The following GPR37L1 variants were observed in gnomAD, a reference collection of about 807,000 sequenced individuals.
The protein encoded by GPR37L1 is G protein-coupled receptor 37-like 1.
A neutral mutation model predicts 18.0 loss-of-function variants in GPR37L1; 18 were observed. The ratio of observed to expected loss-of-function variants is 1.00; its 90% CI spans 0.69 to 1.49. The LOEUF is 1.49. Among genes scored for constraint, GPR37L1 ranks in the 40% most tolerant of loss-of-function variants. The pLI, the probability that GPR37L1 is intolerant of heterozygous loss-of-function variation, is 0.00. For missense variants in GPR37L1, 558 were observed against 615.1 expected (o/e 0.91, Z 0.98); for synonymous variants, 256 against 273.9 (o/e 0.93, Z 0.65).
rs1305823394 is a variant in GPR37L1 at position 202,128,107 on chromosome 1, T to G, written c.997T>G (p.Trp333Gly). The change falls in exon 2 of 2, where the codon TGG becomes GGG. Residue 333 changes from tryptophan (W) to glycine (G), a missense_variant. By Grantham distance (184) the Trp-to-Gly change is radical. Transcript: ENST00000367282. ...CACAGTCACCTGCCAGCTGGTGACA[T>G]GGCGGGTGCGAGGCCCTCCAGGGAG... ...LFTVTCQLVTWRVRGPPGRKS... is the reference protein window; with the variant it reads ...LFTVTCQLVTGRVRGPPGRKS... The G allele has an allele frequency of 6.2e-7, 1 of 1,614,100 alleles. No homozygotes were observed. The highest frequency in any genetic ancestry group is 1.1e-5 in the South Asian group (1 of 91,084).
intron 1 of GPR37L1, among the ~76,000 whole-genome samples, chr1:202,125,394 C>A (rs1654632957): frequency 6.6e-6 from 1 of 152,060 alleles, no homozygotes; most frequent in Admixed American, 6.6e-5. Flanking sequence ...ATAATAATAG[C>A]TATCTGGGTG....
chr1:202,126,364 C>T (rs574303231), intron 1 of GPR37L1, among the ~76,000 whole-genome samples: 7 of 151,408 alleles, frequency 4.6e-5, no homozygotes, highest in Non-Finnish European at 5.9e-5. Flanking sequence ...GCTGTGATTG[C>T]GCCACTGCAC....
intron 1 of GPR37L1, among the ~76,000 whole-genome samples, chr1:202,124,115 C>G (rs1256485786): frequency 6.6e-6 from 1 of 152,306 alleles, no homozygotes; most frequent in East Asian, 1.9e-4. Flanking sequence ...GCATCCACTC[C>G]ATGAGAATAC....
chr1:202,123,806 G>A (rs1217131836), intron 1 of GPR37L1, among the ~76,000 whole-genome samples: 2 of 152,118 alleles, frequency 1.3e-5, no homozygotes, highest in Non-Finnish European at 2.9e-5. Context: ...AGGGGGACAG[G>A]CGGGTGTGTG....
chr1:202,126,706 T>C (rs1171091452), intron 1 of GPR37L1, among the ~76,000 whole-genome samples: 1 of 152,136 alleles, frequency 6.6e-6, no homozygotes, highest in African/African-American at 2.4e-5. Flanking sequence ...TCCTCTTGGC[T>C]CACAGGGTGG....
rs1411271754 is a variant in GPR37L1 at position 202,131,985 on chromosome 1, C to G, written c.*3429C>G. ...TCCCAGACTCAAGTCATTCTCCTAC[C>G]TCGGGCTCCCAAAGTACTGGGATTA... On this transcript the variant is annotated 3_prime_UTR_variant, in exon 2 of 2. Coordinates refer to ENST00000367282, the MANE Select transcript of GPR37L1 (RefSeq NM_004767.5). 2.0e-5 allele frequency: 3 copies of G among 152,240 alleles called. No individual in the cohort carries two copies. The highest frequency in any genetic ancestry group is 2.0e-4 in the Admixed American group (3 of 15,278). The allele number at this position is 152,240 out of a possible 1,614,324, so 9.4% of individuals were successfully genotyped here.
intron 1 of GPR37L1, among the ~76,000 whole-genome samples, chr1:202,126,443 A>G (rs1654661571): frequency 6.6e-6 from 1 of 151,408 alleles, no homozygotes; most frequent in Non-Finnish European, 1.5e-5. Context: ...TTTCTACCCA[A>G]GCCTGAAGCC....
intron 1 of GPR37L1, 55 bp from the exon 2 acceptor site, chr1:202,127,686 T>G: frequency 2.3e-6 from 3 of 1,280,994 alleles, no homozygotes; most frequent in Admixed American, 4.5e-5. Flanking sequence ...TGTCCTTCCT[T>G]GTCCCCATAG....
At chr1:202,126,838 C>CGCGTGTGTGT (rs1553315419) in intron 1 of GPR37L1, among the ~76,000 whole-genome samples, 13 of 146,352 alleles carry the variant, frequency 8.9e-5, no homozygotes, top group Non-Finnish European at 1.3e-4. Context: ...CAGAAACGTG[C>CGCGTGTGTGT]GTGTGTGTGT....
Position 202,128,113 on chromosome 1 carries a change from G to A in GPR37L1, c.1003G>A (p.Val335Met). The A allele has an allele frequency of 1.9e-6, 3 of 1,614,092 alleles. No individual in the cohort carries two copies. The highest frequency in any genetic ancestry group is 2.5e-6 in the Non-Finnish European group (3 of 1,180,038). The stretch of plus-strand genomic sequence containing the variant: ...CACCTGCCAGCTGGTGACATGGCGG[G>A]TGCGAGGCCCTCCAGGGAGGAAGTC... ...TVTCQLVTWR[V>M]RGPPGRKSEC... Residue 335 changes from valine (V) to methionine (M), a missense_variant, in exon 2 of 2, where the codon GTG becomes ATG. By Grantham distance (21) the Val-to-Met change is conservative (BLOSUM62 1). Transcript: ENST00000367282.
At position 202,128,411 on chromosome 1, in the gene GPR37L1, G is replaced by C. The variant is rs747666563; in HGVS notation, c.1301G>C (p.Cys434Ser). 3 of 1,613,964 alleles carry C rather than the reference G, an allele frequency of 1.9e-6. No homozygotes were observed. Among genetic ancestry groups the C allele is most frequent in the Non-Finnish European group, 2.5e-6 (3 of 1,179,932 alleles). ...GQAFLDCCCC[C>S]CCEECGGASE... ...GCCTTCCTGGACTGCTGCTGCTGCT[G>C]CTGCTGTGAGGAGTGCGGCGGGGCT... Residue 434 changes from cysteine (C) to serine (S), a missense_variant, in exon 2 of 2, where the codon TGC becomes TCC. By Grantham distance (112) the Cys-to-Ser change is moderately radical. Coordinates refer to ENST00000367282, the MANE Select transcript of GPR37L1 (RefSeq NM_004767.5).
Position 202,123,341 on chromosome 1 carries a change from C to A in GPR37L1, c.378C>A (p.Ser126Arg), listed in dbSNP as rs1558300668. 1 of 1,614,204 alleles carries A rather than the reference C, an allele frequency of 6.2e-7. No individual in the cohort carries two copies. Among genetic ancestry groups the A allele is most frequent in the Non-Finnish European group, 8.5e-7 (1 of 1,180,048 alleles). The change falls in exon 1 of 2, where the codon AGC becomes AGA. Residue 126 changes from serine (S) to arginine (R), a missense_variant. Transcript: ENST00000367282. ...ACCCCCTGTATCCGGTGACCGAGAG[C>A]TCCTACAGTGCCTATGCCATCATGC... Reference protein sequence around the residue: ...IQNPLYPVTESSYSAYAIMLL... With the variant: ...IQNPLYPVTERSYSAYAIMLL...
rs1194260730 is a variant in GPR37L1, at chr1:202,131,850, C to A, written c.*3294C>A. On this transcript the variant is annotated 3_prime_UTR_variant, in exon 2 of 2. Transcript: ENST00000367282. ...TTCCTGGGCTCAAGCGATTCTCCTG[C>A]CTCAGCTTCCTGAGTAGCTGGGACT... 1 of 151,768 alleles carries A rather than the reference C, an allele frequency of 6.6e-6. No individual in the cohort carries two copies. The highest frequency in any genetic ancestry group is 1.5e-5 in the Non-Finnish European group (1 of 68,062). 9.4% of individuals were successfully genotyped at this position (151,768 alleles called of 1,614,324 possible). A position where few individuals can be genotyped will look rare whatever the true frequency, so the allele number is the denominator to read the frequency against.
chr1:202,123,589 T>C lies in GPR37L1; in HGVS notation c.626T>C (p.Met209Thr), dbSNP rs766286719. ...GDVSCRAVPF[M>T]EVSSLGVTTF... is the part of the protein sequence containing the mutation. The stretch of plus-strand genomic sequence containing the variant: ...GTTTCTTGTCGTGCCGTGCCCTTCA[T>C]GGAGGTGAGTGTGTGTTCTGTTTGA... Residue 209 changes from methionine (M) to threonine (T), a missense_variant, in exon 1 of 2, where the codon ATG becomes ACG. Coordinates refer to ENST00000367282, the MANE Select transcript of GPR37L1 (RefSeq NM_004767.5). 9 of 1,576,802 alleles carry C rather than the reference T, an allele frequency of 5.7e-6. No individual in the cohort carries two copies. In the East Asian group the frequency reaches 6.7e-5, roughly 12 times the overall value.
rs1654776861 is a variant in GPR37L1, at chr1:202,129,546, G to A, written c.*990G>A. 1 of 152,302 alleles carries A rather than the reference G, an allele frequency of 6.6e-6. No individual in the cohort carries two copies. The highest frequency in any genetic ancestry group is 2.4e-5 in the African/African-American group (1 of 41,452). The allele number at this position is 152,302 out of a possible 1,614,324, so 9.4% of individuals were successfully genotyped here. A position where few individuals can be genotyped will look rare whatever the true frequency, so the allele number is the denominator to read the frequency against. Reference sequence around the variant, plus strand: ...CACTTTCTTGTGCCACATTCTGGCAGGGCCCAGATGCAGCTGGGCCTTCCT... The same window carrying A: ...CACTTTCTTGTGCCACATTCTGGCAAGGCCCAGATGCAGCTGGGCCTTCCT... On this transcript the variant is annotated 3_prime_UTR_variant, in exon 2 of 2. Coordinates refer to ENST00000367282, the MANE Select transcript of GPR37L1 (RefSeq NM_004767.5).
At chr1:202,124,246 C>T (rs1450527533) in intron 1 of GPR37L1, among the ~76,000 whole-genome samples, 2 of 152,204 alleles carry the variant, frequency 1.3e-5, no homozygotes, top group African/African-American at 4.8e-5. Flanking sequence ...TGGTTCTGGG[C>T]ACTGGAACTA....
intron 1 of GPR37L1, 48 bp downstream of exon 1, chr1:202,123,641 G>A (rs1347876407): frequency 6.7e-7 from 1 of 1,502,574 alleles, no homozygotes; most frequent in Admixed American, 2.2e-5. Flanking sequence ...GCAATCCAGG[G>A]AAGGGACTCA....
In GPR37L1 at chr1:202,123,073, C is replaced by A. The variant is rs546366311; in HGVS notation, c.110C>A (p.Thr37Asn). 8 of 1,613,792 alleles carry A rather than the reference C, an allele frequency of 5.0e-6. No homozygotes were observed. Among genetic ancestry groups the A allele is most frequent in the Non-Finnish European group, 6.8e-6 (8 of 1,179,954 alleles). Residue 37 changes from threonine (T) to asparagine (N), a missense_variant, in exon 1 of 2, where the codon ACC (threonine) becomes AAC (asparagine). Thr to Asn is a moderately conservative substitution (Grantham distance 65). Coordinates refer to ENST00000367282, the MANE Select transcript of GPR37L1 (RefSeq NM_004767.5). ...PLHLGRHRAE[T>N]QEQQSRSKRG... is the part of the protein sequence containing the mutation. Reference sequence around the variant, plus strand: ...CACCTGGGCAGGCACAGAGCCGAGACCCAGGAGCAGCAGAGCCGATCCAAG... The same window carrying A: ...CACCTGGGCAGGCACAGAGCCGAGAACCAGGAGCAGCAGAGCCGATCCAAG...
In GPR37L1 at chr1:202,133,527, G is replaced by A. The variant is rs2147809252; in HGVS notation, c.*4971G>A. 1 of 152,338 alleles carries A rather than the reference G, an allele frequency of 6.6e-6. No individual in the cohort carries two copies. The highest frequency in any genetic ancestry group is 1.5e-5 in the Non-Finnish European group (1 of 68,038). 9.4% of individuals were successfully genotyped at this position (152,338 alleles called of 1,614,324 possible). Reference sequence around the variant, plus strand: ...ATATGAGCTGAAAAGTGTAAAAAAGGAAGAGGAACATCACTTTACAAATCA... The same window carrying A: ...ATATGAGCTGAAAAGTGTAAAAAAGAAAGAGGAACATCACTTTACAAATCA... On this transcript the variant is annotated 3_prime_UTR_variant, in exon 2 of 2. Coordinates refer to ENST00000367282, the MANE Select transcript of GPR37L1 (RefSeq NM_004767.5).
Sources: allele counts gnomAD v4.1 joint callset (sites outside exome capture counted in the v4.1 genomes callset), GRCh38; gene constraint gnomAD v4.1.1; transcripts MANE v1.5; gene names NCBI Gene and HGNC (gene_info 2026-07-23, HGNC 2026-07-21).